The following PABPC4L variants were observed in gnomAD, a reference collection of about 807,000 sequenced individuals.
PABPC4L encodes the protein poly(A) binding protein cytoplasmic 4 like, also known as polyadenylate-binding protein 4-like.
For missense variants in PABPC4L, 452 were observed against 451.4 expected (o/e 1.00, Z -0.01); for synonymous variants, 169 against 164.1 (o/e 1.03, Z -0.23).
At chr4:134,018,192 C>T in the PABPC4L span, among the ~76,000 whole-genome samples, 1 of 152,044 alleles carries the variant, frequency 6.6e-6, no homozygotes, top group Non-Finnish European at 1.5e-5. Flanking sequence ...ACCCCCACTC[C>T]TGCCCGCCAG....
the PABPC4L span, among the ~76,000 whole-genome samples, chr4:134,133,086 T>A: frequency 7.5e-6 from 1 of 132,756 alleles, no homozygotes; most frequent in African/African-American, 2.9e-5. Flanking sequence ...ACATATTATA[T>A]AATTATATAT....
the PABPC4L span, among the ~76,000 whole-genome samples, chr4:133,950,697 T>C: frequency 6.6e-6 from 1 of 152,200 alleles, no homozygotes; most frequent in Non-Finnish European, 1.5e-5. Context: ...TAGAGATATC[T>C]GGAATTAGGC....
the PABPC4L span, among the ~76,000 whole-genome samples, chr4:134,079,578 C>CAAAAAAAAAA: frequency 3.5e-4 from 32 of 90,688 alleles, no homozygotes; most frequent in African/African-American, 5.3e-4. Flanking sequence ...GACTTCCTCT[C>CAAAAAAAAAA]AAAAAAAAAA....
chr4:134,169,318 A>G, the PABPC4L span, among the ~76,000 whole-genome samples: 3 of 152,046 alleles, frequency 2.0e-5, no homozygotes, highest in Admixed American at 6.6e-5. Context: ...CTAAAAATCC[A>G]TATAAGACAA....
At chr4:134,171,756 C>A in the PABPC4L span, among the ~76,000 whole-genome samples, 1 of 152,104 alleles carries the variant, frequency 6.6e-6, no homozygotes, top group East Asian at 1.9e-4. Flanking sequence ...GATGCTATAC[C>A]TAGAAAAACC....
the PABPC4L span, among the ~76,000 whole-genome samples, chr4:134,119,660 AG>A: frequency 6.6e-6 from 1 of 151,638 alleles, no homozygotes; most frequent in African/African-American, 2.4e-5. Context: ...CACACCTGGT[AG>A]GTGTCACCCA....
chr4:134,013,876 C>T, the PABPC4L span, among the ~76,000 whole-genome samples: 4 of 151,590 alleles, frequency 2.6e-5, no homozygotes, highest in African/African-American at 9.7e-5. Context: ...CACTCCTCCA[C>T]CCTATAATCC....
At chr4:134,194,088 A>G (rs1238598335), downstream of PABPC4L, among the ~76,000 whole-genome samples, 3 of 151,888 alleles carry the variant, frequency 2.0e-5, no homozygotes, top group Non-Finnish European at 2.9e-5. Flanking sequence ...CAACTGATAA[A>G]TAAGGATTAA....
At chr4:134,045,800 A>T in the PABPC4L span, among the ~76,000 whole-genome samples, 1 of 152,150 alleles carries the variant, frequency 6.6e-6, no homozygotes. Context: ...TGGCACTATT[A>T]TGTAAATTAT....
chr4:133,994,235 T>G, the PABPC4L span, among the ~76,000 whole-genome samples: 1 of 152,158 alleles, frequency 6.6e-6, no homozygotes, highest in Admixed American at 6.6e-5. Context: ...GGCTGGCTTT[T>G]GGTTGCTCCT....
At chr4:134,092,420 C>T in the PABPC4L span, among the ~76,000 whole-genome samples, 1 of 152,008 alleles carries the variant, frequency 6.6e-6, no homozygotes, top group African/African-American at 2.4e-5. Context: ...CTGAGAGCCA[C>T]CACCATCACT....
chr4:134,159,771 G>A, the PABPC4L span, among the ~76,000 whole-genome samples: 1 of 152,068 alleles, frequency 6.6e-6, no homozygotes, highest in Admixed American at 6.5e-5. Flanking sequence ...AGTGGATATG[G>A]AGTGAGACCC....
the PABPC4L span, among the ~76,000 whole-genome samples, chr4:134,137,683 G>A: frequency 2.0e-5 from 3 of 151,762 alleles, no homozygotes; most frequent in Non-Finnish European, 2.9e-5. Flanking sequence ...ATTCTAAGCC[G>A]AGAAAACCTT....
the PABPC4L span, among the ~76,000 whole-genome samples, chr4:134,143,562 G>A: frequency 6.0e-5 from 9 of 150,550 alleles, no homozygotes; most frequent in Admixed American, 1.3e-4. Flanking sequence ...GCATATCTTC[G>A]TAATAATTTT....
the PABPC4L span, among the ~76,000 whole-genome samples, chr4:134,130,678 T>C: frequency 6.6e-6 from 1 of 152,050 alleles, no homozygotes; most frequent in African/African-American, 2.4e-5. Flanking sequence ...AATCATTCTA[T>C]GAAGTATCAC....
chr4:134,078,881 T>C, the PABPC4L span, among the ~76,000 whole-genome samples: 1 of 151,062 alleles, frequency 6.6e-6, no homozygotes, highest in Non-Finnish European at 1.5e-5. Context: ...TTGGTCAGGC[T>C]GATCTCAAAC....
the PABPC4L span, among the ~76,000 whole-genome samples, chr4:134,149,389 G>T: frequency 6.6e-6 from 1 of 152,148 alleles, no homozygotes; most frequent in Admixed American, 6.6e-5. Context: ...GGCTGGGGTT[G>T]ATCAACGGCA....
At chr4:134,034,787 T>C in the PABPC4L span, among the ~76,000 whole-genome samples, 2 of 151,962 alleles carry the variant, frequency 1.3e-5, no homozygotes, top group African/African-American at 4.8e-5. Flanking sequence ...GATAATGTGG[T>C]TTCTTGAGAT....
the PABPC4L span, among the ~76,000 whole-genome samples, chr4:134,055,129 A>T: frequency 6.6e-5 from 10 of 152,112 alleles, no homozygotes; most frequent in African/African-American, 2.4e-4. Context: ...GCTGATATGG[A>T]TTGAATGGTC....
Sources: gnomAD v4.1 joint callset for allele counts (sites outside exome capture counted in the v4.1 genomes callset) on GRCh38, gnomAD v4.1.1 for gene constraint, MANE v1.5 for transcripts, NCBI Gene and HGNC (gene_info 2026-07-23, HGNC 2026-07-21) for gene names.